The following GABRB3 variants were observed in gnomAD, a reference collection of about 807,000 sequenced individuals.
GABRB3 encodes the protein gamma-aminobutyric acid type A receptor subunit beta3.
GABRB3 carries 14 observed loss-of-function variants against 52.1 expected under a neutral mutation model. The observed-to-expected ratio is 0.27, with a 90% confidence interval of 0.18 to 0.42. The LOEUF is 0.42. GABRB3 is among the 10% of genes least tolerant of loss of function. GABRB3 has a pLI of 1.00. For synonymous variants in GABRB3, 260 were observed against 232.3 expected (o/e 1.12, Z -1.08); for missense variants, 307 against 609.1 (o/e 0.50, Z 5.22).
At chr15:26,731,865 A>G (rs576806894) in intron 3 of GABRB3, among the ~76,000 whole-genome samples, 2 of 145,040 alleles carry the variant, frequency 1.4e-5, no homozygotes, top group South Asian at 4.7e-4. Flanking sequence ...TGTGGCTAAA[A>G]TGAAGATTTA....
chr15:26,554,143 A>AGTATATATATATATATATAAAGT (rs1889625746), intron 8 of GABRB3, among the ~76,000 whole-genome samples: 1 of 30,022 alleles, frequency 3.3e-5, no homozygotes, highest in Non-Finnish European at 7.6e-5. Context: ...ATATATATAA[A>AGTATATATATATATATATAAAGT]GTATATATAT....
At chr15:26,684,974 C>T (rs768330420) in intron 3 of GABRB3, among the ~76,000 whole-genome samples, 5 of 152,202 alleles carry the variant, frequency 3.3e-5, no homozygotes, top group African/African-American at 4.8e-5. Flanking sequence ...ACTTGCTCGA[C>T]GCAGGGTTGC....
chr15:26,613,787 T>C (rs1892162090), intron 4 of GABRB3: 2 of 152,208 alleles, frequency 1.3e-5, no homozygotes, highest in African/African-American at 2.4e-5. Context: ...ATAAGTGCTA[T>C]GATAACAACC....
intron 8 of GABRB3, among the ~76,000 whole-genome samples, chr15:26,553,990 T>A (rs1290667944): frequency 7.7e-6 from 1 of 129,354 alleles, no homozygotes; most frequent in Non-Finnish European, 1.6e-5. Flanking sequence ...TCCTCTTACC[T>A]CAGCCTCCCG....
chr15:26,583,220 C>G lies in GABRB3; in HGVS notation c.544+112G>C, dbSNP rs1028788291. On this transcript the variant is annotated intron_variant, in intron 5 of 8. Coordinates refer to ENST00000311550, the MANE Select transcript of GABRB3 (RefSeq NM_000814.6). Reference sequence around the variant, plus strand: ...CTGTGTTTCTCTCTCTGTGTCTTCCCCTCTTTCTATGTCAAAAAAATTATG... The same window carrying G: ...CTGTGTTTCTCTCTCTGTGTCTTCCGCTCTTTCTATGTCAAAAAAATTATG... 3.8e-6 allele frequency: 3 copies of G among 797,470 alleles called. No individual in the cohort carries two copies. The African/African-American group carries it at 5.1e-5, about 13-fold the overall frequency. The allele number at this position is 797,470 out of a possible 1,614,324, so 49.4% of individuals were successfully genotyped here.
At chr15:26,706,125 A>G (rs1351972581) in intron 3 of GABRB3, among the ~76,000 whole-genome samples, 2 of 152,198 alleles carry the variant, frequency 1.3e-5, no homozygotes, top group African/African-American at 2.4e-5. Context: ...AAAACTAAAC[A>G]AAACAAAGAC....
chr15:26,655,339 A>G (rs188338630), intron 3 of GABRB3, among the ~76,000 whole-genome samples: 2 of 152,342 alleles, frequency 1.3e-5, no homozygotes, highest in Admixed American at 6.5e-5. Context: ...GTTGTAAATA[A>G]CATAATGATG....
intron 3 of GABRB3, among the ~76,000 whole-genome samples, chr15:26,766,143 C>T (rs1025538205): frequency 5.3e-5 from 8 of 152,174 alleles, no homozygotes; most frequent in Non-Finnish European, 1.0e-4. Context: ...CTAGGTCACA[C>T]CTCATTATGA....
At chr15:26,743,061 C>G (rs1890252580) in intron 3 of GABRB3, among the ~76,000 whole-genome samples, 1 of 150,684 alleles carries the variant, frequency 6.6e-6, no homozygotes, top group South Asian at 2.1e-4. Flanking sequence ...TCCTGAGTAG[C>G]TGGGATTACA....
intron 3 of GABRB3, among the ~76,000 whole-genome samples, chr15:26,662,608 C>T (rs1046176160): frequency 9.2e-5 from 14 of 152,156 alleles, no homozygotes; most frequent in Admixed American, 2.0e-4. Flanking sequence ...AGAGCTTTGG[C>T]CTTAGAAAAA....
chr15:26,554,420 G>A (rs562698096), intron 8 of GABRB3, among the ~76,000 whole-genome samples: 29 of 151,560 alleles, frequency 1.9e-4, no homozygotes, highest in African/African-American at 4.6e-4. Context: ...TAACAAATTC[G>A]TGGAGTGAAA....
At chr15:26,724,643 A>G (rs73372113) in intron 3 of GABRB3, among the ~76,000 whole-genome samples, 2,008 of 152,278 alleles carry the variant, frequency 0.013, 37 homozygotes, top group African/African-American at 0.046. Flanking sequence ...TTGATGTCAG[A>G]GGGCTGAAAA....
At chr15:26,665,762 G>C (rs1887690534) in intron 3 of GABRB3, among the ~76,000 whole-genome samples, 1 of 152,128 alleles carries the variant, frequency 6.6e-6, no homozygotes, top group South Asian at 2.1e-4. Context: ...TGCCATACAG[G>C]CTTATGTGTT....
intron 3 of GABRB3, among the ~76,000 whole-genome samples, chr15:26,648,944 G>A (rs1326155590): frequency 1.3e-5 from 2 of 152,142 alleles, no homozygotes. Context: ...GTGGGTGGCA[G>A]GAGGAGCTGA....
rs528479050 is a variant in GABRB3, at chr15:26,762,833, C to T, written c.240+9569G>A. 3.9e-5 allele frequency among the ~76,000 whole-genome samples: 6 copies of T among 152,262 alleles called. No individual in the cohort carries two copies. The South Asian group carries it at 6.2e-4, about 16-fold the overall frequency. ...ATTCTATAGGACGGTGTTCTCCAAG[C>T]AACCATTGTTTTAGTCCATGCCACA... is the stretch of plus-strand genomic sequence containing the variant. On this transcript the variant is annotated intron_variant, in intron 3 of 8. Transcript: ENST00000311550.
At chr15:26,566,901 TTGCAG>T (rs1567112367) in intron 7 of GABRB3, among the ~76,000 whole-genome samples, 4 of 152,220 alleles carry the variant, frequency 2.6e-5, no homozygotes, top group Non-Finnish European at 4.4e-5. Context: ...AAGGGATGGA[TTGCAG>T]ATTGCATCAG....
chr15:26,594,879 A>G (rs1891341102), intron 4 of GABRB3, among the ~76,000 whole-genome samples: 1 of 152,180 alleles, frequency 6.6e-6, no homozygotes, highest in Non-Finnish European at 1.5e-5. Flanking sequence ...AAACACACAA[A>G]TGAAAAAGAG....
chr15:26,710,126 C>G (rs1484814348), intron 3 of GABRB3, among the ~76,000 whole-genome samples: 1 of 152,114 alleles, frequency 6.6e-6, no homozygotes, highest in Non-Finnish European at 1.5e-5. Context: ...TCTTTATTGC[C>G]AAATAGTATT....
chr15:26,597,441 GTGT>G lies in GABRB3; in HGVS notation c.462-14030_462-14028del, dbSNP rs145190115. ...GGTGCCTACTTTACACCTGAGAAAA[GTGT>G]TGTTAAGGTGACAAGATAGAGGAGA... On this transcript the variant is annotated intron_variant, in intron 4 of 8. Coordinates refer to ENST00000311550, the MANE Select transcript of GABRB3 (RefSeq NM_000814.6). 5.1e-3 allele frequency among the ~76,000 whole-genome samples: 782 copies of G among 152,298 alleles called. 10 individuals are homozygous for G. Among genetic ancestry groups the G allele is most frequent in the African/African-American group, 0.018 (756 of 41,562 alleles).
Sources: gnomAD v4.1 joint callset for allele counts (sites outside exome capture counted in the v4.1 genomes callset) on GRCh38, gnomAD v4.1.1 for gene constraint, MANE v1.5 for transcripts, NCBI Gene and HGNC (gene_info 2026-07-23, HGNC 2026-07-21) for gene names.